Variants in PLCXD3 observed in about 807,000 individuals in gnomAD.
The protein encoded by PLCXD3 is PI-PLC X domain-containing protein 3.
In PLCXD3, 19 loss-of-function variants were observed where a neutral mutation model predicts 25.5. The observed-to-expected ratio is 0.75, with a 90% CI of 0.52 to 1.09. The LOEUF (loss-of-function observed/expected upper bound fraction) is 1.09. Ranked by LOEUF, PLCXD3 falls within the 50% of genes least tolerant of loss-of-function variation. The probability of loss-of-function intolerance (pLI) is 0.00; values close to 1 mark genes in which losing one functional copy is unlikely to be tolerated. For missense variants in PLCXD3, 411 were observed against 388.1 expected, an observed-to-expected ratio of 1.06 and a Z score of -0.50; for synonymous variants, 174 against 137.6, an observed-to-expected ratio of 1.26 and a Z score of -1.85.
intron 1 of PLCXD3, among the ~76,000 whole-genome samples, 165 bp downstream of exon 1, chr5:41,510,259 G>C (rs1382120476): frequency 6.6e-6 from 1 of 152,200 alleles, no homozygotes; most frequent in Non-Finnish European, 1.5e-5. Context: ...ACGCCAGGAA[G>C]CCCAAGGCTA....
Position 41,493,002 on chromosome 5 carries a change from C to A in PLCXD3, c.103+17422G>T, listed in dbSNP as rs184577617. On this transcript the variant is annotated intron_variant, in intron 1 of 2. Coordinates refer to ENST00000377801, the MANE Select transcript of PLCXD3 (RefSeq NM_001005473.3). ...CTGCGTTCCTTTGGAGGAGGAGAGG[C>A]GCTCTGCTTTTTAGAGTTTCCAGTT... Among the ~76,000 whole-genome samples, 843 of 152,338 alleles carry A rather than the reference C, an allele frequency of 5.5e-3. 4 individuals carry two copies. The highest frequency in any genetic ancestry group is 0.018 in the African/African-American group (761 of 41,578).
chr5:41,423,949 TTGTA>T (rs1746889040), intron 1 of PLCXD3, among the ~76,000 whole-genome samples: 1 of 152,210 alleles, frequency 6.6e-6, no homozygotes, highest in Non-Finnish European at 1.5e-5. Context: ...TATCTTTCTT[TTGTA>T]TGTGTTTTGT....
At chr5:41,389,791 T>A (rs1429664684) in intron 1 of PLCXD3, among the ~76,000 whole-genome samples, 1 of 152,228 alleles carries the variant, frequency 6.6e-6, no homozygotes, top group Non-Finnish European at 1.5e-5. Flanking sequence ...ATATTTTATA[T>A]GGTAACTTTC....
At chr5:41,333,898 GA>G (rs532872428) in intron 2 of PLCXD3, among the ~76,000 whole-genome samples, 5 of 152,064 alleles carry the variant, frequency 3.3e-5, no homozygotes, top group Non-Finnish European at 5.9e-5. Flanking sequence ...GCTGCAAAAG[GA>G]AAAAAATCCC....
At chr5:41,402,444 C>T (rs1157858340) in intron 1 of PLCXD3, among the ~76,000 whole-genome samples, 1 of 151,514 alleles carries the variant, frequency 6.6e-6, no homozygotes, top group Non-Finnish European at 1.5e-5. Context: ...AGAGAACATG[C>T]TCTCAATAAT....
intron 2 of PLCXD3, among the ~76,000 whole-genome samples, chr5:41,375,122 G>A (rs730354): frequency 0.5 from 76,104 of 151,628 alleles, 21,145 homozygotes; most frequent in South Asian, 0.71. Context: ...AAAAGAGTCC[G>A]TTGGGTTCAT....
intron 1 of PLCXD3, among the ~76,000 whole-genome samples, chr5:41,413,282 C>T (rs1489673757): frequency 6.6e-6 from 1 of 152,080 alleles, no homozygotes; most frequent in African/African-American, 2.4e-5. Flanking sequence ...AGGATGGCTG[C>T]GAGCTGGCTC....
chr5:41,410,201 G>C (rs1047324491), intron 1 of PLCXD3, among the ~76,000 whole-genome samples: 1 of 147,394 alleles, frequency 6.8e-6, no homozygotes, highest in Non-Finnish European at 1.5e-5. Context: ...GTACAGTGGC[G>C]TGATCTCGGC....
At chr5:41,497,518 C>G (rs1748868038) in intron 1 of PLCXD3, among the ~76,000 whole-genome samples, 1 of 151,670 alleles carries the variant, frequency 6.6e-6, no homozygotes, top group South Asian at 2.1e-4. Context: ...CACCCAATAT[C>G]AGAACACCCA....
chr5:41,336,232 T>A (rs913872087), intron 2 of PLCXD3, among the ~76,000 whole-genome samples: 1 of 152,158 alleles, frequency 6.6e-6, no homozygotes, highest in Non-Finnish European at 1.5e-5. Flanking sequence ...ACATTATAGA[T>A]AGGTGGTATG....
chr5:41,474,109 A>C (rs1246227210), intron 1 of PLCXD3, among the ~76,000 whole-genome samples: 2 of 152,132 alleles, frequency 1.3e-5, no homozygotes, highest in Non-Finnish European at 2.9e-5. Flanking sequence ...ACTTAAGACA[A>C]AGGAAACTGT....
intron 1 of PLCXD3, among the ~76,000 whole-genome samples, chr5:41,495,214 T>G (rs550539691): frequency 8.0e-4 from 122 of 152,364 alleles, no homozygotes; most frequent in Non-Finnish European, 1.1e-3. Flanking sequence ...GAGACTAGAC[T>G]GCACGTCCAA....
intron 1 of PLCXD3, among the ~76,000 whole-genome samples, chr5:41,508,190 C>A (rs1233744908): frequency 6.6e-6 from 1 of 152,152 alleles, no homozygotes; most frequent in Non-Finnish European, 1.5e-5. Context: ...CCCATGGAAG[C>A]CCAATGTCAT....
chr5:41,492,298 A>G (rs1748718352), intron 1 of PLCXD3, among the ~76,000 whole-genome samples: 1 of 152,184 alleles, frequency 6.6e-6, no homozygotes, highest in African/African-American at 2.4e-5. Context: ...TTCTGCCGAG[A>G]GATCCGCTGT....
chr5:41,454,852 T>C (rs1747718325), intron 1 of PLCXD3, among the ~76,000 whole-genome samples: 1 of 151,898 alleles, frequency 6.6e-6, no homozygotes, highest in Non-Finnish European at 1.5e-5. Context: ...ATAGACTGGG[T>C]AATTAATAAG....
chr5:41,372,298 TCACACACACACA>T (rs71608605), intron 2 of PLCXD3, among the ~76,000 whole-genome samples: 2,040 of 110,718 alleles, frequency 0.018, 65 homozygotes, highest in African/African-American at 0.078. Context: ...TCTCTCTCTC[TCACACACACACA>T]CACACACACA....
chr5:41,326,473 C>G (rs941207806), intron 2 of PLCXD3, among the ~76,000 whole-genome samples: 6 of 152,200 alleles, frequency 3.9e-5, no homozygotes, highest in Non-Finnish European at 8.8e-5. Context: ...CTCCCCATAT[C>G]AGCTACCATC....
At chr5:41,495,362 A>G (rs968631566) in intron 1 of PLCXD3, among the ~76,000 whole-genome samples, 3 of 152,236 alleles carry the variant, frequency 2.0e-5, no homozygotes, top group African/African-American at 4.8e-5. Context: ...CTGCCCCTCC[A>G]GAGGGCCTGA....
chr5:41,438,331 G>T (rs1747302676), intron 1 of PLCXD3, among the ~76,000 whole-genome samples: 1 of 152,180 alleles, frequency 6.6e-6, no homozygotes, highest in South Asian at 2.1e-4. Context: ...ACAGACAAGG[G>T]TCCCCTGCGA....
Sources: gnomAD v4.1 joint callset for allele counts (sites outside exome capture counted in the v4.1 genomes callset) on GRCh38, gnomAD v4.1.1 for gene constraint, MANE v1.5 for transcripts, NCBI Gene and HGNC (gene_info 2026-07-23, HGNC 2026-07-21) for gene names.